Variants in SLC22A5 observed in about 807,000 individuals in gnomAD.
SLC22A5 encodes solute carrier family 22 member 5.
In SLC22A5, 44 loss-of-function variants were observed where a neutral mutation model predicts 56.7. The ratio of observed to expected loss-of-function variants is 0.78; its 90% CI spans 0.61 to 1.00. SLC22A5 has a LOEUF of 1.00. Ranked by LOEUF, SLC22A5 falls within the 50% of genes least tolerant of loss-of-function variation. The pLI, the probability that SLC22A5 is intolerant of heterozygous loss-of-function variation, is 0.00. For missense variants in SLC22A5, 675 were observed against 723.0 expected (o/e 0.93, Z 0.76); for synonymous variants, 278 against 292.1 (o/e 0.95, Z 0.49).
rs766084888 is a variant in SLC22A5 at position 132,387,015 on chromosome 5, G to A, written c.825-10G>A. 5 of 1,614,098 alleles carry A rather than the reference G, an allele frequency of 3.1e-6. No individual in the cohort carries two copies. The highest frequency in any genetic ancestry group is 4.2e-6 in the Non-Finnish European group (5 of 1,179,974). On this transcript the variant is annotated splice_polypyrimidine_tract_variant and intron_variant, in intron 4 of 9. Coordinates refer to ENST00000245407, the MANE Select transcript of SLC22A5 (RefSeq NM_003060.4). ...GGAGGCCTCACTGAGATTGGACCTT[G>A]TACTGCCAGGTTCATCCCTGAGTCC...
chr5:132,393,688 G>A lies in SLC22A5; in HGVS notation c.1463G>A (p.Arg488His), dbSNP rs28383481. 7,354 of 1,614,104 alleles carry A rather than the reference G, an allele frequency of 4.6e-3. 27 individuals carry two copies. Among genetic ancestry groups the A allele is most frequent in the Non-Finnish European group, 5.5e-3 (6,546 of 1,180,002 alleles). ...TGCTTTGCCATAGGTGCCTACGACC[G>A]CTTCCTGCCCTACATTCTCATGGGA... The part of the protein sequence containing the change: ...PYFVYLGAYD[R>H]FLPYILMGSL... The change falls in exon 9 of 10, where the codon CGC becomes CAC. Residue 488 changes from arginine (R) to histidine (H), a missense_variant. Physicochemically the swap from Arg to His is conservative, Grantham distance 29 (BLOSUM62 0). Transcript: ENST00000245407.
chr5:132,383,749 G>A (rs2126781700), intron 2 of SLC22A5: 1 of 264,952 alleles, frequency 3.8e-6, no homozygotes, highest in East Asian at 9.9e-5. Context: ...AGGAAAATCA[G>A]GACAAATGTT....
At chr5:132,380,254 C>G (rs1752301821) in intron 2 of SLC22A5, 2 of 152,362 alleles carry the variant, frequency 1.3e-5, no homozygotes. Flanking sequence ...GGGAGCAGGA[C>G]AAAGTCCGTG....
intron 4 of SLC22A5, 118 bp downstream of exon 4, chr5:132,385,617 G>C: frequency 3.6e-6 from 3 of 842,180 alleles, no homozygotes; most frequent in Non-Finnish European, 5.9e-6. Context: ...AGGAAGCATA[G>C]ATTATAAATT....
At position 132,387,132 on chromosome 5, in the gene SLC22A5, C is replaced by T. The variant is rs770408585; in HGVS notation, c.932C>T (p.Thr311Ile). Residue 311 changes from threonine (T) to isoleucine (I), a missense_variant, in exon 5 of 10, where the codon ACT becomes ATT. Coordinates refer to ENST00000245407, the MANE Select transcript of SLC22A5 (RefSeq NM_003060.4). ...GCCAATGGGATTGTTGTGCCTTCCACTATCTTTGACCCGAGTGAGGTAAGC... is the reference window on the plus strand; with the variant it reads ...GCCAATGGGATTGTTGTGCCTTCCATTATCTTTGACCCGAGTGAGGTAAGC... ...AKANGIVVPS[T>I]IFDPSELQDL... 2 of 1,614,184 alleles carry T rather than the reference C, an allele frequency of 1.2e-6. No individual in the cohort carries two copies. The highest frequency in any genetic ancestry group is 8.5e-7 in the Non-Finnish European group (1 of 1,180,038).
intron 3 of SLC22A5, 112 bp downstream of exon 3, chr5:132,384,413 C>A: frequency 8.8e-7 from 1 of 1,134,436 alleles, no homozygotes; most frequent in Non-Finnish European, 1.3e-6. Flanking sequence ...GGGTTTCTAA[C>A]AAAACTAGCC....
chr5:132,376,096 A>G lies in SLC22A5; in HGVS notation c.394-2282A>G, dbSNP rs147857016. On this transcript the variant is annotated intron_variant, in intron 1 of 9. Coordinates refer to ENST00000245407, the MANE Select transcript of SLC22A5 (RefSeq NM_003060.4). ...ACCTCTTCTCAGGGAGATTCTGGCC[A>G]AGTCCTGGAACCTACTGCAGTCCAT... 7.8e-3 allele frequency: 1,188 copies of G among 152,344 alleles called. 3 individuals are homozygous for G. The highest frequency in any genetic ancestry group is 9.9e-3 in the Non-Finnish European group (677 of 68,088). 9.4% of individuals were successfully genotyped at this position (152,344 alleles called of 1,614,324 possible). A position where few individuals can be genotyped will look rare whatever the true frequency, so the allele number is the denominator to read the frequency against.
chr5:132,383,073 C>T (rs1055359130), intron 2 of SLC22A5: 3 of 152,144 alleles, frequency 2.0e-5, no homozygotes, highest in Non-Finnish European at 4.4e-5. Flanking sequence ...GAATTTTTTT[C>T]AGAGAAATAA....
intron 2 of SLC22A5, chr5:132,382,820 T>C (rs546735762): frequency 6.6e-6 from 1 of 152,320 alleles, no homozygotes; most frequent in South Asian, 2.1e-4. Context: ...AGAAACAGCA[T>C]CTTTTTTAAT....
At chr5:132,386,237 CT>C (rs949737396) in intron 4 of SLC22A5, among the ~76,000 whole-genome samples, 8 of 139,460 alleles carry the variant, frequency 5.7e-5, no homozygotes, top group East Asian at 2.1e-4. Flanking sequence ...CTTTTTTTTT[CT>C]TTTTTTTTTC....
At chr5:132,393,529 A>T (rs1219458805) in intron 8 of SLC22A5, 147 bp from the exon 9 acceptor site, 8 of 1,013,672 alleles carry the variant, frequency 7.9e-6, no homozygotes, top group Non-Finnish European at 1.2e-5. Flanking sequence ...TAGATGCCAG[A>T]TTCTAATCTG....
chr5:132,373,901 C>T (rs1394150036), intron 1 of SLC22A5, among the ~76,000 whole-genome samples: 1 of 151,824 alleles, frequency 6.6e-6, no homozygotes, highest in Non-Finnish European at 1.5e-5. Flanking sequence ...TAGCTCTGTC[C>T]AGCCTATGGA....
At chr5:132,372,285 G>C (rs960209373) in intron 1 of SLC22A5, among the ~76,000 whole-genome samples, 1 of 152,226 alleles carries the variant, frequency 6.6e-6, no homozygotes, top group Non-Finnish European at 1.5e-5. Context: ...GAAAGCAGAG[G>C]CTGTCCCTGA....
At chr5:132,374,635 T>C (rs115388357) in intron 1 of SLC22A5, among the ~76,000 whole-genome samples, 1,597 of 152,248 alleles carry the variant, frequency 0.01, 31 homozygotes, top group African/African-American at 0.037. Flanking sequence ...TGGCCCACTA[T>C]GCACGTACAT....
At chr5:132,375,405 C>T (rs1364748396) in intron 1 of SLC22A5, among the ~76,000 whole-genome samples, 1 of 152,200 alleles carries the variant, frequency 6.6e-6, no homozygotes, top group South Asian at 2.1e-4. Context: ...TACCTAGCAG[C>T]ATGTCTGACT....
chr5:132,379,791 T>G (rs1006569274), intron 2 of SLC22A5: 1 of 151,936 alleles, frequency 6.6e-6, no homozygotes, highest in Non-Finnish European at 1.5e-5. Context: ...CCCAGCCAGA[T>G]TTTTTTTTAA....
intron 1 of SLC22A5, chr5:132,377,544 C>T (rs1752187152): frequency 6.6e-6 from 1 of 152,438 alleles, no homozygotes; most frequent in African/African-American, 2.4e-5. Flanking sequence ...CAGCCAGATC[C>T]AAGCGTCTGG....
chr5:132,378,000 T>C, intron 1 of SLC22A5: 1 of 1,124,562 alleles, frequency 8.9e-7, no homozygotes, highest in Non-Finnish European at 1.2e-6. Flanking sequence ...GTGACGTTCA[T>C]GCCAATGGCC....
chr5:132,370,134 C>T lies in SLC22A5; in HGVS notation c.162C>T (p.Asp54=), dbSNP rs762909506. The part of the protein sequence containing the change: ...ATPEHRCRVP[D]AANLSSAWRN... ...CGGAGCACCGCTGCCGGGTGCCGGA[C>T]GCCGCGAACCTGAGCAGCGCCTGGC... Residue 54 remains aspartate (D), a synonymous_variant, in exon 1 of 10, where the codon GAC becomes GAT. Transcript: ENST00000245407. 11 of 1,610,390 alleles carry T rather than the reference C, an allele frequency of 6.8e-6. 1 individual carries two copies. In the South Asian group the frequency reaches 1.2e-4, roughly 18 times the overall value.
Sources: gnomAD v4.1 joint callset for allele counts (sites outside exome capture counted in the v4.1 genomes callset) on GRCh38, gnomAD v4.1.1 for gene constraint, MANE v1.5 for transcripts, NCBI Gene and HGNC (gene_info 2026-07-23, HGNC 2026-07-21) for gene names.